Variants in KCNMB2 observed in about 807,000 individuals in gnomAD.
KCNMB2 encodes potassium calcium-activated channel subfamily M regulatory beta subunit 2, also known as calcium-activated potassium channel subunit beta-2.
Under a neutral mutation model 24.5 loss-of-function variants are expected in KCNMB2, and 9 were observed. The observed-to-expected ratio is 0.37, with a 90% CI of 0.22 to 0.64. KCNMB2 has a LOEUF of 0.64. Ranked by LOEUF, KCNMB2 falls within the 30% of genes least tolerant of loss-of-function variation. KCNMB2 has a pLI of 0.63. For missense variants in KCNMB2, 226 were observed against 284.3 expected (o/e 0.79, Z 1.47); for synonymous variants, 109 against 104.4 (o/e 1.04, Z -0.27).
intron 1 of KCNMB2, among the ~76,000 whole-genome samples, chr3:178,753,219 G>C (rs1304266024): frequency 1.3e-5 from 2 of 152,124 alleles, no homozygotes; most frequent in Non-Finnish European, 2.9e-5. Flanking sequence ...ACCTTGTAAA[G>C]CACTTTAAAC....
rs114835634 is a variant in KCNMB2, at chr3:178,769,080, T to C, written c.-67-38263T>C. ...TTACGCCATCTACTGAAAGTTCACC[T>C]GCCACTTGAAGTGCAAGACACTTTG... is the stretch of plus-strand genomic sequence containing the variant. On this transcript the variant is annotated intron_variant, in intron 1 of 4. Transcript: ENST00000452583. Among the ~76,000 whole-genome samples the C allele has an allele frequency of 6.3e-3, 963 of 152,336 alleles. 15 individuals are homozygous for C. The highest frequency in any genetic ancestry group is 0.022 in the African/African-American group (912 of 41,582).
intron 1 of KCNMB2, among the ~76,000 whole-genome samples, chr3:178,632,866 G>C (rs1449771060): frequency 1.3e-5 from 2 of 152,138 alleles, no homozygotes; most frequent in Non-Finnish European, 2.9e-5. Context: ...AAGCAAGTTA[G>C]TTACTTCCTA....
At chr3:178,826,063 C>T (rs1333501502) in intron 3 of KCNMB2, among the ~76,000 whole-genome samples, 3 of 152,084 alleles carry the variant, frequency 2.0e-5, no homozygotes, top group South Asian at 4.2e-4. Context: ...GATATGATTT[C>T]CCCAGTGTCA....
intron 1 of KCNMB2, among the ~76,000 whole-genome samples, chr3:178,626,057 A>C (rs909452137): frequency 6.6e-6 from 1 of 152,234 alleles, no homozygotes; most frequent in Non-Finnish European, 1.5e-5. Flanking sequence ...GGTTAATTTC[A>C]GAATGCTCTG....
intron 1 of KCNMB2, among the ~76,000 whole-genome samples, chr3:178,562,049 TAC>T (rs1716335054): frequency 6.6e-6 from 1 of 152,224 alleles, no homozygotes; most frequent in East Asian, 1.9e-4. Context: ...CGTGAACAAA[TAC>T]AGTTTCTAGT....
At chr3:178,737,281 T>C (rs1159306883) in intron 1 of KCNMB2, among the ~76,000 whole-genome samples, 1 of 151,650 alleles carries the variant, frequency 6.6e-6, no homozygotes, top group African/African-American at 2.4e-5. Flanking sequence ...AAAAAAAAAA[T>C]TGCATTATGG....
rs561659790 is a variant in KCNMB2, at chr3:178,577,973, A to T, written c.-68+41262A>T. Among the ~76,000 whole-genome samples, 3 of 152,326 alleles carry T rather than the reference A, an allele frequency of 2.0e-5. No individual in the cohort carries two copies. The East Asian group carries it at 5.8e-4, about 29-fold the overall frequency. On this transcript the variant is annotated intron_variant, in intron 1 of 4. Coordinates refer to ENST00000452583, the MANE Select transcript of KCNMB2 (RefSeq NM_181361.3). ...CATTCTTCAGGATATTATCCAGGAG[A>T]ACTTCCCCAACCTAGCAAGGCAGGC...
chr3:178,779,901 CTT>C (rs1712752096), intron 1 of KCNMB2, among the ~76,000 whole-genome samples: 2 of 152,154 alleles, frequency 1.3e-5, no homozygotes, highest in South Asian at 4.1e-4. Flanking sequence ...CAAAGAAAAA[CTT>C]TAATTCACCT....
chr3:178,541,075 G>A (rs1715600197), intron 1 of KCNMB2, among the ~76,000 whole-genome samples: 1 of 152,150 alleles, frequency 6.6e-6, no homozygotes, highest in Non-Finnish European at 1.5e-5. Flanking sequence ...CTCAGAGTCA[G>A]AGCTCTGTGT....
At chr3:178,592,222 G>A (rs556640207) in intron 1 of KCNMB2, among the ~76,000 whole-genome samples, 1 of 152,248 alleles carries the variant, frequency 6.6e-6, no homozygotes, top group Non-Finnish European at 1.5e-5. Flanking sequence ...GCTACATAAT[G>A]TGTGATCTCT....
chr3:178,737,382 G>A (rs1723353121), intron 1 of KCNMB2, among the ~76,000 whole-genome samples: 1 of 152,106 alleles, frequency 6.6e-6, no homozygotes, highest in African/African-American at 2.4e-5. Flanking sequence ...AGGGTTGTTT[G>A]TTTGTTTGTT....
intron 1 of KCNMB2, among the ~76,000 whole-genome samples, chr3:178,544,017 A>G (rs1427584002): frequency 6.6e-6 from 1 of 152,168 alleles, no homozygotes; most frequent in African/African-American, 2.4e-5. Context: ...GTTAAGGACT[A>G]GGTCATCGTC....
chr3:178,537,149 T>C (rs1469730139), intron 1 of KCNMB2: 1 of 152,168 alleles, frequency 6.6e-6, no homozygotes, highest in Non-Finnish European at 1.5e-5. Context: ...ACAGTCAATG[T>C]GTTTTGATGG....
At chr3:178,803,649 G>A (rs567029524) in intron 1 of KCNMB2, among the ~76,000 whole-genome samples, 14 of 152,268 alleles carry the variant, frequency 9.2e-5, no homozygotes, top group South Asian at 6.2e-4. Context: ...AGATTTGCAC[G>A]CAAACAGGAT....
At chr3:178,767,268 G>A (rs1258981987) in intron 1 of KCNMB2, among the ~76,000 whole-genome samples, 1 of 152,176 alleles carries the variant, frequency 6.6e-6, no homozygotes, top group African/African-American at 2.4e-5. Context: ...ATCTTGAAAT[G>A]CAATGTTGAG....
At chr3:178,636,581 GCACT>G (rs1169350617) in intron 1 of KCNMB2, among the ~76,000 whole-genome samples, 2 of 152,156 alleles carry the variant, frequency 1.3e-5, no homozygotes, top group Non-Finnish European at 2.9e-5. Flanking sequence ...AAGAAAAACT[GCACT>G]CACTCTCTTA....
intron 1 of KCNMB2, chr3:178,748,898 A>C (rs1723754191): frequency 6.6e-6 from 1 of 152,238 alleles, no homozygotes; most frequent in Admixed American, 6.5e-5. Context: ...CTCATATTTA[A>C]GAAACTCAAT....
At chr3:178,709,144 T>G (rs1021763756) in intron 1 of KCNMB2, among the ~76,000 whole-genome samples, 11 of 152,196 alleles carry the variant, frequency 7.2e-5, no homozygotes, top group African/African-American at 2.4e-4. Flanking sequence ...GAAGCCAATT[T>G]GTTAGTTTGC....
At chr3:178,574,359 A>C (rs1255571810) in intron 1 of KCNMB2, among the ~76,000 whole-genome samples, 1 of 152,174 alleles carries the variant, frequency 6.6e-6, no homozygotes, top group East Asian at 1.9e-4. Flanking sequence ...TTCAGAACTA[A>C]GTGAGCCTTA....
Sources: allele counts gnomAD v4.1 joint callset (sites outside exome capture counted in the v4.1 genomes callset), GRCh38; gene constraint gnomAD v4.1.1; transcripts MANE v1.5; gene names NCBI Gene and HGNC (gene_info 2026-07-23, HGNC 2026-07-21).